IMPA2: variants seen among roughly 807,000 people sequenced by gnomAD.
The protein encoded by IMPA2 is IMP 2.
A neutral mutation model predicts 35.1 loss-of-function variants in IMPA2; 32 were observed. The observed-to-expected ratio is 0.91, with a 90% CI of 0.69 to 1.23. The LOEUF (loss-of-function observed/expected upper bound fraction) is 1.23. Among genes scored for constraint, IMPA2 ranks in the 50% most tolerant of loss-of-function variants. The pLI, the probability that IMPA2 is intolerant of heterozygous loss-of-function variation, is 0.00. For missense variants in IMPA2, 334 were observed against 387.6 expected (o/e 0.86, Z 1.16); for synonymous variants, 135 against 160.6 (o/e 0.84, Z 1.20).
rs2143810158 is a variant in IMPA2, at chr18:12,014,335, T to C, written c.452T>C (p.Phe151Ser). The change falls in exon 5 of 8, where the codon TTC (phenylalanine) becomes TCC (serine). Residue 151 changes from phenylalanine (F) to serine (S), a missense_variant. Transcript: ENST00000269159. Reference sequence around the variant, plus strand: ...ACGGGCCGGCGGGGTCGGGGCGCCTTCTGCAATGGCCAGCGGCTCCGGGTC... The same window carrying C: ...ACGGGCCGGCGGGGTCGGGGCGCCTCCTGCAATGGCCAGCGGCTCCGGGTC... The part of the protein sequence containing the change: ...LYTGRRGRGA[F>S]CNGQRLRVSG... The C allele has an allele frequency of 3.7e-6, 6 of 1,608,136 alleles. No individual in the cohort carries two copies. The South Asian group carries it at 6.6e-5, about 18-fold the overall frequency.
intron 7 of IMPA2, 129 bp downstream of exon 7, chr18:12,029,122 T>TG (rs1198854132): frequency 8.3e-5 from 76 of 918,464 alleles, no homozygotes; most frequent in African/African-American, 3.7e-4. Flanking sequence ...TTTTTTTTTT[T>TG]TTTTTTTTTT....
intron 5 of IMPA2, among the ~76,000 whole-genome samples, chr18:12,025,866 G>A (rs1056319965): frequency 6.6e-6 from 1 of 152,094 alleles, no homozygotes; most frequent in Non-Finnish European, 1.5e-5. Flanking sequence ...CATGCTCCTG[G>A]CTTTGTCTCG....
chr18:11,990,479 A>G (rs142746891), intron 1 of IMPA2, among the ~76,000 whole-genome samples: 2 of 152,326 alleles, frequency 1.3e-5, no homozygotes, highest in East Asian at 1.9e-4. Context: ...CATAGCACCA[A>G]GGACCTCCAA....
chr18:12,007,120 ACT>A (rs1380422832), intron 2 of IMPA2, among the ~76,000 whole-genome samples: 2 of 151,466 alleles, frequency 1.3e-5, no homozygotes, highest in Admixed American at 6.6e-5. Flanking sequence ...ACAGGGCGAG[ACT>A]CTGTCTCCAA....
intron 5 of IMPA2, among the ~76,000 whole-genome samples, chr18:12,022,300 G>A (rs903744806): frequency 1.3e-5 from 2 of 149,396 alleles, no homozygotes; most frequent in Non-Finnish European, 2.9e-5. Context: ...GGGAGGCCGA[G>A]GTGGGTGGAT....
chr18:11,993,669 C>T (rs993028476), intron 1 of IMPA2, among the ~76,000 whole-genome samples: 33 of 152,352 alleles, frequency 2.2e-4, no homozygotes, highest in African/African-American at 7.9e-4. Flanking sequence ...TCAGCCAGGG[C>T]AGTGGGCGGA....
intron 2 of IMPA2, among the ~76,000 whole-genome samples, chr18:12,002,763 CAA>C (rs57245640): frequency 2.9e-5 from 4 of 137,598 alleles, no homozygotes; most frequent in Admixed American, 7.4e-5. Flanking sequence ...GACCTTGTCT[CAA>C]AAAAAAAAAA....
At chr18:11,993,737 A>G (rs1305105924) in intron 1 of IMPA2, among the ~76,000 whole-genome samples, 1 of 152,206 alleles carries the variant, frequency 6.6e-6, no homozygotes, top group African/African-American at 2.4e-5. Context: ...GGCTGAGAGC[A>G]CAGACAGGCA....
In IMPA2 at chr18:11,981,516, C is replaced by T. The variant is rs538477608; in HGVS notation, c.-154C>T. 6.6e-6 allele frequency: 3 copies of T among 456,370 alleles called. No individual in the cohort carries two copies. The highest frequency in any genetic ancestry group is 4.5e-5 in the Admixed American group (1 of 22,412). The allele number at this position is 456,370 out of a possible 1,614,324, so 28.3% of individuals were successfully genotyped here. A position where few individuals can be genotyped will look rare whatever the true frequency, so the allele number is the denominator to read the frequency against. Reference sequence around the variant, plus strand: ...CCCGCGGCCCGCTGGCTGCCCTTCCCGCCAGCGCAGGTGTGGGACGGGCGG... The same window carrying T: ...CCCGCGGCCCGCTGGCTGCCCTTCCTGCCAGCGCAGGTGTGGGACGGGCGG... On this transcript the variant is annotated 5_prime_UTR_variant, in exon 1 of 8. Transcript: ENST00000269159.
intron 2 of IMPA2, among the ~76,000 whole-genome samples, chr18:12,002,944 G>A (rs1014275300): frequency 6.6e-6 from 1 of 151,852 alleles, no homozygotes; most frequent in African/African-American, 2.4e-5. Flanking sequence ...TGTAATCCCT[G>A]CACTTTGGGA....
intron 2 of IMPA2, among the ~76,000 whole-genome samples, chr18:12,007,614 C>CTT (rs1325588612): frequency 5.3e-4 from 72 of 136,308 alleles, no homozygotes; most frequent in East Asian, 1.5e-3. Context: ...CTCTTTCTTT[C>CTT]TTTCTTTTTC....
intron 2 of IMPA2, among the ~76,000 whole-genome samples, chr18:12,006,756 A>G (rs1907258240): frequency 1.3e-5 from 2 of 152,204 alleles, no homozygotes; most frequent in East Asian, 1.9e-4. Context: ...CATGAACTTC[A>G]TAACCCAGCA....
At chr18:11,985,636 G>A (rs1906644163) in intron 1 of IMPA2, among the ~76,000 whole-genome samples, 1 of 152,082 alleles carries the variant, frequency 6.6e-6, no homozygotes, top group African/African-American at 2.4e-5. Flanking sequence ...GTTTATTTTT[G>A]TGATCCACAC....
chr18:11,981,601 G>T lies in IMPA2; in HGVS notation c.-69G>T. The stretch of plus-strand genomic sequence containing the variant: ...GGAGTGTGGAGCCTGGCGGCGGGAC[G>T]GCGGGATCCGGTGGGAGCCGGAGTC... On this transcript the variant is annotated 5_prime_UTR_variant, in exon 1 of 8. Transcript: ENST00000269159. 9.4e-7 allele frequency: 1 copy of T among 1,060,878 alleles called. No individual in the cohort carries two copies. Among genetic ancestry groups the T allele is most frequent in the South Asian group, 4.8e-5 (1 of 20,888 alleles). The allele number at this position is 1,060,878 out of a possible 1,614,324, so 65.7% of individuals were successfully genotyped here.
At chr18:12,016,705 C>G (rs1362170862) in intron 5 of IMPA2, among the ~76,000 whole-genome samples, 2 of 152,158 alleles carry the variant, frequency 1.3e-5, no homozygotes, top group Admixed American at 6.5e-5. Context: ...AGGTGTGAGC[C>G]ACCACACCTG....
chr18:11,995,372 C>T (rs1002013851), intron 1 of IMPA2, among the ~76,000 whole-genome samples: 6 of 152,226 alleles, frequency 3.9e-5, no homozygotes, highest in African/African-American at 1.2e-4. Flanking sequence ...TCAGTCCCAT[C>T]CTCTGGGGCA....
At chr18:12,013,113 G>A (rs890634222) in intron 4 of IMPA2, among the ~76,000 whole-genome samples, 2 of 152,228 alleles carry the variant, frequency 1.3e-5, no homozygotes, top group African/African-American at 2.4e-5. Context: ...GTGACTGTGT[G>A]AAGGGGCTGC....
intron 2 of IMPA2, among the ~76,000 whole-genome samples, chr18:12,006,313 G>C (rs1026018356): frequency 6.6e-6 from 1 of 152,260 alleles, no homozygotes; most frequent in Non-Finnish European, 1.5e-5. Flanking sequence ...GGGAGCACCA[G>C]TTCCTGAGCA....
chr18:11,999,410 C>T (rs1035467703), intron 2 of IMPA2, among the ~76,000 whole-genome samples: 1 of 152,228 alleles, frequency 6.6e-6, no homozygotes, highest in African/African-American at 2.4e-5. Flanking sequence ...GTCAATGCAT[C>T]CTCTTGTGAA....
Sources: allele counts gnomAD v4.1 joint callset (sites outside exome capture counted in the v4.1 genomes callset), GRCh38; gene constraint gnomAD v4.1.1; transcripts MANE v1.5; gene names NCBI Gene and HGNC (gene_info 2026-07-23, HGNC 2026-07-21).